Variants in CR1 observed in about 807,000 individuals in gnomAD.
CR1 encodes complement receptor type 1.
In CR1, 116 loss-of-function variants were observed where a neutral mutation model predicts 187.3. The observed-to-expected ratio is 0.62, with a 90% CI of 0.53 to 0.72. The LOEUF is 0.72. Among genes scored for constraint, CR1 ranks in the 30% least tolerant of loss-of-function variants. The pLI, the probability that CR1 is intolerant of heterozygous loss-of-function variation, is 0.00. For missense variants in CR1, 1,731 were observed against 2,110.7 expected, an observed-to-expected ratio of 0.82 and a Z score of 3.52; for synonymous variants, 576 against 747.1, an observed-to-expected ratio of 0.77 and a Z score of 3.73.
rs376203607 is a variant in CR1, at chr1:207,621,981, G to C, written c.7261G>C (p.Asp2421His). The change falls in exon 44 of 47, where the codon GAT becomes CAT. Residue 2421 changes from aspartate (D) to histidine (H), a missense_variant. Physicochemically the swap from Asp to His is moderately conservative, Grantham distance 81. Around this residue, in one of 5 missense-constraint regions of CR1, gnomAD observed 1,312 missense variants for 1,379.6 expected, o/e 0.95. Transcript: ENST00000367049. ...TTTTGTCTTCCTTTTAGGTACACAT[G>C]ATGCTCTCATAGTTGGTAAGTTTTA... ...PLAKCTSRTH[D>H]ALIVGTLSGT... The C allele has an allele frequency of 1.4e-5, 23 of 1,597,762 alleles. No homozygotes were observed. The highest frequency in any genetic ancestry group is 4.5e-5 in the East Asian group (2 of 44,558).
Position 207,496,393 on chromosome 1 carries a change from G to A in CR1, c.121+5G>A, listed in dbSNP as rs748713759. On this transcript the variant is annotated splice_donor_5th_base_variant and intron_variant, in intron 1 of 46. Transcript: ENST00000367049. ...TTGCGCTGCCGGTGGCCTGGGGTGAGAGGCGGGCGGGCGTGGGGAGGCGCC... is the reference window on the plus strand; with the variant it reads ...TTGCGCTGCCGGTGGCCTGGGGTGAAAGGCGGGCGGGCGTGGGGAGGCGCC... 64 of 1,605,372 alleles carry A rather than the reference G, an allele frequency of 4.0e-5. No homozygotes were observed. The highest frequency in any genetic ancestry group is 1.7e-5 in the Admixed American group (1 of 58,884).
chr1:207,593,355 G>A (rs986167576), intron 35 of CR1, among the ~76,000 whole-genome samples: 3 of 152,132 alleles, frequency 2.0e-5, no homozygotes, highest in Admixed American at 6.5e-5. Context: ...CAAGCAATGG[G>A]GAAAGGATTC....
At chr1:207,502,268 A>G (rs1659294063) in intron 1 of CR1, among the ~76,000 whole-genome samples, 1 of 152,218 alleles carries the variant, frequency 6.6e-6, no homozygotes, top group Non-Finnish European at 1.5e-5. Flanking sequence ...CACAAATTGT[A>G]ATAACAAACA....
Position 207,523,952 on chromosome 1 carries a change from C to A in CR1, c.829C>A (p.Arg277Ser), listed in dbSNP as rs199777103. The A allele has an allele frequency of 1.2e-6, 2 of 1,611,732 alleles. No individual in the cohort carries two copies. Among genetic ancestry groups the A allele is most frequent in the South Asian group, 1.1e-5 (1 of 90,998 alleles). The change falls in exon 5 of 47, where the codon CGT becomes AGT. Residue 277 changes from arginine (R) to serine (S), a missense_variant. Coordinates refer to ENST00000367049, the MANE Select transcript of CR1 (RefSeq NM_000651.6). ...QPGFVMKGPR[R>S]VKCQALNKWE... ...TGGCTTTGTCATGAAAGGACCCCGCCGTGTGAAGTGCCAGGCCCTGAACAA... is the reference window on the plus strand; with the variant it reads ...TGGCTTTGTCATGAAAGGACCCCGCAGTGTGAAGTGCCAGGCCCTGAACAA...
intron 46 of CR1, among the ~76,000 whole-genome samples, chr1:207,635,905 C>G (rs915755945): frequency 2.6e-5 from 4 of 152,286 alleles, no homozygotes; most frequent in African/African-American, 9.6e-5. Flanking sequence ...CCATTTAACC[C>G]TGAGTTGACA....
chr1:207,507,993 C>G (rs1191556836), intron 3 of CR1, among the ~76,000 whole-genome samples: 3 of 152,114 alleles, frequency 2.0e-5, no homozygotes, highest in Non-Finnish European at 4.4e-5. Context: ...ATAGAGGAAC[C>G]TTAAATAGTG....
chr1:207,617,795 C>T (rs56216545), intron 41 of CR1, among the ~76,000 whole-genome samples: 3,201 of 151,338 alleles, frequency 0.021, 64 homozygotes, highest in Non-Finnish European at 0.029. Flanking sequence ...AAGGACAGAA[C>T]AGCACTGAAT....
intron 39 of CR1, among the ~76,000 whole-genome samples, chr1:207,613,495 A>T (rs1400185844): frequency 6.6e-6 from 1 of 152,068 alleles, no homozygotes; most frequent in Admixed American, 6.5e-5. Flanking sequence ...CAGTCCATGG[A>T]TTTACCTGGA....
chr1:207,601,321 G>T (rs1442906630), intron 35 of CR1, among the ~76,000 whole-genome samples: 1 of 152,012 alleles, frequency 6.6e-6, no homozygotes, highest in Non-Finnish European at 1.5e-5. Context: ...TCCATGAAAT[G>T]TACCATGTCA....
At chr1:207,628,898 T>C (rs932113010) in intron 45 of CR1, among the ~76,000 whole-genome samples, 4 of 152,162 alleles carry the variant, frequency 2.6e-5, no homozygotes, top group Non-Finnish European at 5.9e-5. Flanking sequence ...AAAATTAAGG[T>C]ATTTCTTTAA....
chr1:207,524,628 T>G (rs141804561), intron 5 of CR1, among the ~76,000 whole-genome samples: 1,760 of 152,024 alleles, frequency 0.012, 44 homozygotes, highest in African/African-American at 0.04. Context: ...GCTCAAGCAA[T>G]TCACCCACCT....
chr1:207,618,950 A>T (rs1310446909), intron 42 of CR1, among the ~76,000 whole-genome samples: 1 of 150,508 alleles, frequency 6.6e-6, no homozygotes, highest in African/African-American at 2.5e-5. Flanking sequence ...GAGGCATGAG[A>T]ATCACTTGAA....
In CR1 at chr1:207,626,401, C is replaced by G. The variant is rs145299732; in HGVS notation, c.7352+3333C>G. 7.8e-3 allele frequency among the ~76,000 whole-genome samples: 1,180 copies of G among 152,252 alleles called. 10 individuals carry two copies. The highest frequency in any genetic ancestry group is 0.014 in the Middle Eastern group (4 of 294). ...TCCTTGAGTGGGTGTGGCCAATAAG[C>G]TAAGTCATTGTGGCTATGTGAGGAG... On this transcript the variant is annotated intron_variant, in intron 45 of 46. Coordinates refer to ENST00000367049, the MANE Select transcript of CR1 (RefSeq NM_000651.6).
intron 4 of CR1, among the ~76,000 whole-genome samples, chr1:207,517,464 G>T (rs1291691539): frequency 6.6e-6 from 1 of 151,988 alleles, no homozygotes. Context: ...GAGATCTTGG[G>T]TTATAATTTG....
intron 42 of CR1, among the ~76,000 whole-genome samples, chr1:207,618,709 A>G (rs1010934211): frequency 6.6e-6 from 1 of 152,160 alleles, no homozygotes; most frequent in Non-Finnish European, 1.5e-5. Context: ...GGATGTACTG[A>G]TGGCTGGGCA....
At position 207,507,781 on chromosome 1, in the gene CR1, CA is replaced by C. The variant is rs371132731; in HGVS notation, c.401+971del. The stretch of plus-strand genomic sequence containing the variant: ...GCAGTTATCCTTCTTGGCATTTATC[CA>C]AAGGAATTGAAAACTCATGTTCACA... On this transcript the variant is annotated intron_variant, in intron 3 of 46. Transcript: ENST00000367049. Among the ~76,000 whole-genome samples the C allele has an allele frequency of 4.1e-4, 62 of 151,800 alleles. No individual in the cohort carries two copies. In the East Asian group the frequency reaches 0.011, roughly 27 times the overall value.
chr1:207,620,081 A>G lies in CR1; in HGVS notation c.7252+16A>G, dbSNP rs1662271298. On this transcript the variant is annotated intron_variant, in intron 43 of 46. Transcript: ENST00000367049. ...TGTACCTCTCGTAAGTGCAAGTGCA[A>G]GGAATGTGGGATCTTCCCGGTCATG... The G allele has an allele frequency of 6.2e-7, 1 of 1,601,706 alleles. No homozygotes were observed. Among genetic ancestry groups the G allele is most frequent in the Admixed American group, 1.8e-5 (1 of 56,484 alleles).
chr1:207,509,204 C>A (rs1281702494), intron 3 of CR1, among the ~76,000 whole-genome samples: 1 of 152,174 alleles, frequency 6.6e-6, no homozygotes, highest in African/African-American at 2.4e-5. Context: ...CTTCGGGGCC[C>A]TGGGGAGGAG....
At chr1:207,513,145 C>T (rs763847605) in intron 4 of CR1, among the ~76,000 whole-genome samples, 1 of 152,214 alleles carries the variant, frequency 6.6e-6, no homozygotes, top group African/African-American at 2.4e-5. Context: ...ACACTTTAGT[C>T]GGCTATCCGT....
Sources: allele counts gnomAD v4.1 joint callset (sites outside exome capture counted in the v4.1 genomes callset), GRCh38; gene constraint gnomAD v4.1.1; regional missense constraint gnomAD v4.1.1; transcripts MANE v1.5; gene names NCBI Gene and HGNC (gene_info 2026-07-23, HGNC 2026-07-21).